DCAF7: variants seen among roughly 807,000 people sequenced by gnomAD.
DCAF7 encodes the protein DDB1 and CUL4 associated factor 7.
A neutral mutation model predicts 41.2 loss-of-function variants in DCAF7; 4 were observed. That is an observed-to-expected ratio of 0.10 (90% CI 0.05 to 0.22). The LOEUF is 0.22. Among genes scored for constraint, DCAF7 ranks in the 10% least tolerant of loss-of-function variants. DCAF7 has a pLI of 1.00. For missense variants in DCAF7, 131 were observed against 443.2 expected (o/e 0.30, Z 6.32); for synonymous variants, 143 against 164.2 (o/e 0.87, Z 0.99).
rs2033725492 is a variant in DCAF7, at chr17:63,590,692, C to T, written c.*1520C>T. The T allele has an allele frequency of 6.6e-6, 1 of 152,650 alleles. No individual in the cohort carries two copies. 9.5% of individuals were successfully genotyped at this position (152,650 alleles called of 1,614,324 possible). ...GCTGTTTCCTTGCGCTCTGCTCCTA[C>T]CCGAAGGTTTTTAAGTCCCTCTGAA... is the stretch of plus-strand genomic sequence containing the variant. On this transcript the variant is annotated 3_prime_UTR_variant, in exon 7 of 7. Coordinates refer to ENST00000614556, the MANE Select transcript of DCAF7 (RefSeq NM_005828.5).
intron 6 of DCAF7, among the ~76,000 whole-genome samples, chr17:63,588,362 T>A (rs919017213): frequency 5.0e-5 from 7 of 138,716 alleles, no homozygotes; most frequent in Non-Finnish European, 1.1e-4. Context: ...TAATTTGTAT[T>A]TTTTTTTTTT....
In DCAF7 at chr17:63,559,349, G is replaced by A. The variant is rs1300910801; in HGVS notation, c.138+8534G>A. 2.2e-3 allele frequency among the ~76,000 whole-genome samples: 221 copies of A among 100,230 alleles called. 4 individuals are homozygous for A. The highest frequency in any genetic ancestry group is 9.2e-3 in the African/African-American group (210 of 22,866). 65.8% of individuals were successfully genotyped at this position (100,230 alleles called of 152,430 possible). A position where few individuals can be genotyped will look rare whatever the true frequency, so the allele number is the denominator to read the frequency against. On this transcript the variant is annotated intron_variant, in intron 1 of 6. Coordinates refer to ENST00000614556, the MANE Select transcript of DCAF7 (RefSeq NM_005828.5). Reference sequence around the variant, plus strand: ...TATATATATACATACATATATATACGTATATATATGTATGTATATATATAT... The same window carrying A: ...TATATATATACATACATATATATACATATATATATGTATGTATATATATAT...
intron 1 of DCAF7, among the ~76,000 whole-genome samples, chr17:63,576,902 A>G (rs2033568548): frequency 2.0e-5 from 3 of 152,374 alleles, no homozygotes; most frequent in Middle Eastern, 3.4e-3. Context: ...CAACAGAGTG[A>G]GACCCTATCT....
intron 1 of DCAF7, among the ~76,000 whole-genome samples, chr17:63,570,210 T>C (rs1451015735): frequency 6.6e-6 from 1 of 152,122 alleles, no homozygotes; most frequent in East Asian, 2.0e-4. Flanking sequence ...TCCCAGCACT[T>C]TGGGAGGCCA....
intron 1 of DCAF7, among the ~76,000 whole-genome samples, chr17:63,573,813 T>C (rs1246491698): frequency 1.3e-5 from 2 of 152,114 alleles, no homozygotes; most frequent in African/African-American, 2.4e-5. Context: ...TCACAGTCCC[T>C]CTTGTGGCCA....
Position 63,594,245 on chromosome 17 carries a change from T to C in DCAF7, c.*5073T>C, listed in dbSNP as rs578186558. On this transcript the variant is annotated 3_prime_UTR_variant, in exon 7 of 7. Transcript: ENST00000614556. ...ACCGTATTTTCTGCCCATCATACTT[T>C]GTAATAAAACTTGAACATGTATAGA... The C allele has an allele frequency of 8.5e-5, 13 of 152,778 alleles. No homozygotes were observed. The East Asian group carries it at 2.5e-3, about 29-fold the overall frequency. The allele number at this position is 152,778 out of a possible 1,614,324, so 9.5% of individuals were successfully genotyped here. A position where few individuals can be genotyped will look rare whatever the true frequency, so the allele number is the denominator to read the frequency against.
intron 6 of DCAF7, among the ~76,000 whole-genome samples, chr17:63,585,977 T>G (rs1598037960): frequency 6.6e-6 from 1 of 151,612 alleles, no homozygotes; most frequent in East Asian, 1.9e-4. Flanking sequence ...CAAAAAAAAT[T>G]AGCCAGGCAT....
At chr17:63,583,954 C>T (rs1489971431) in intron 5 of DCAF7, among the ~76,000 whole-genome samples, 1 of 152,138 alleles carries the variant, frequency 6.6e-6, no homozygotes, top group Non-Finnish European at 1.5e-5. Flanking sequence ...AAAGTATATC[C>T]TACCTAAAAT....
rs774604572 is a variant in DCAF7, at chr17:63,550,677, C to T, written c.-1C>T. On this transcript the variant is annotated 5_prime_UTR_variant, in exon 1 of 7. Transcript: ENST00000614556. The surrounding 1 kb of genome is among the most constrained non-coding windows in gnomAD (Gnocchi z 4.8). ...GCCCGTACTGCGGCCCCGTGGCCAC[C>T]ATGTCCCTGCACGGCAAACGGAAGG... is the stretch of plus-strand genomic sequence containing the variant. 1.1e-5 allele frequency: 18 copies of T among 1,613,356 alleles called. No individual in the cohort carries two copies. Among genetic ancestry groups the T allele is most frequent in the Admixed American group, 1.7e-5 (1 of 60,010 alleles).
chr17:63,589,585 AC>A lies in DCAF7; in HGVS notation c.*414del, dbSNP rs998296427. ...CATGTCCATGTTCGTGTTAGCACTT[AC>A]GTGGGAACAAATACCAATTTGTCTT... is the stretch of plus-strand genomic sequence containing the variant. On this transcript the variant is annotated 3_prime_UTR_variant, in exon 7 of 7. Transcript: ENST00000614556. 3 of 229,954 alleles carry A rather than the reference AC, an allele frequency of 1.3e-5. No individual in the cohort carries two copies. Among genetic ancestry groups the A allele is most frequent in the African/African-American group, 6.8e-5 (3 of 43,822 alleles). The allele number at this position is 229,954 out of a possible 1,614,324, so 14.2% of individuals were successfully genotyped here.
intron 1 of DCAF7, chr17:63,552,183 G>C (rs1043800935): frequency 6.6e-5 from 10 of 152,190 alleles, no homozygotes; most frequent in African/African-American, 2.4e-4. Context: ...TGTTGCACAG[G>C]CCTGTTTTAT....
chr17:63,560,378 GA>G (rs1195481017), intron 1 of DCAF7, among the ~76,000 whole-genome samples: 3 of 152,114 alleles, frequency 2.0e-5, no homozygotes, highest in Non-Finnish European at 4.4e-5. Context: ...ATTTGTAAAA[GA>G]AAAATATGAA....
At chr17:63,551,718 T>C (rs1315166496) in intron 1 of DCAF7, among the ~76,000 whole-genome samples, 1 of 151,790 alleles carries the variant, frequency 6.6e-6, no homozygotes, top group Non-Finnish European at 1.5e-5. Flanking sequence ...TTAAAGCCAC[T>C]ACTCCTGCTT....
At chr17:63,574,907 A>C (rs1321835088) in intron 1 of DCAF7, among the ~76,000 whole-genome samples, 1 of 152,186 alleles carries the variant, frequency 6.6e-6, no homozygotes, top group Non-Finnish European at 1.5e-5. Context: ...TAGGAGGTCA[A>C]GGCTGTAGTG....
rs566271427 is a variant in DCAF7 at position 63,578,384 on chromosome 17, A to G, written c.139-86A>G. ...GTCTTTAAAACAAAAAACAAACAAA[A>G]AAAACCTCTGTCACTGACCAGGGAT... On this transcript the variant is annotated intron_variant, in intron 1 of 6. Transcript: ENST00000614556. 7.0e-6 allele frequency: 11 copies of G among 1,570,958 alleles called. No homozygotes were observed. In the Admixed American group the frequency reaches 9.2e-5, roughly 13 times the overall value.
intron 1 of DCAF7, among the ~76,000 whole-genome samples, chr17:63,555,973 G>C (rs577822001): frequency 1.1e-4 from 16 of 152,314 alleles, no homozygotes; most frequent in African/African-American, 3.8e-4. Flanking sequence ...CGAGCCAAAG[G>C]TGTGCTGTGC....
At chr17:63,559,562 G>A (rs1051619684) in intron 1 of DCAF7, among the ~76,000 whole-genome samples, 1 of 151,404 alleles carries the variant, frequency 6.6e-6, no homozygotes, top group Admixed American at 6.6e-5. Flanking sequence ...AGCACTTTGG[G>A]AGGCTGAGGC....
chr17:63,563,601 A>G (rs1420188874), intron 1 of DCAF7, among the ~76,000 whole-genome samples: 1 of 152,146 alleles, frequency 6.6e-6, no homozygotes, highest in Non-Finnish European at 1.5e-5. Context: ...GGAGCTCAAG[A>G]GTTTGAAATC....
rs536134027 is a variant in DCAF7 at position 63,567,114 on chromosome 17, C to T, written c.139-11356C>T. ...CCACTGCACCTAGCACCTATTTATGCTTTTTTAAAAAAAGAAAAAACCACA... is the reference window on the plus strand; with the variant it reads ...CCACTGCACCTAGCACCTATTTATGTTTTTTTAAAAAAAGAAAAAACCACA... On this transcript the variant is annotated intron_variant, in intron 1 of 6. Coordinates refer to ENST00000614556, the MANE Select transcript of DCAF7 (RefSeq NM_005828.5). Among the ~76,000 whole-genome samples the T allele has an allele frequency of 1.7e-4, 26 of 152,006 alleles. 1 individual carries two copies. The East Asian group carries it at 4.6e-3, about 27-fold the overall frequency.
Sources: allele counts gnomAD v4.1 joint callset (sites outside exome capture counted in the v4.1 genomes callset), GRCh38; gene constraint gnomAD v4.1.1; non-coding constraint Gnocchi (gnomAD v3.1); transcripts MANE v1.5; gene names NCBI Gene and HGNC (gene_info 2026-07-23, HGNC 2026-07-21).